HTT-AS: variants seen among roughly 807,000 people sequenced by gnomAD.
HTT-AS encodes the protein HTT antisense RNA.
At chr4:3,061,512 C>T (rs1037368433) in intron 2 of HTT-AS, among the ~76,000 whole-genome samples, 3 of 151,886 alleles carry the variant, frequency 2.0e-5, no homozygotes, top group Admixed American at 6.6e-5. Flanking sequence ...GAAACCCTGT[C>T]TCTACTAAAA....
intron 1 of HTT-AS, among the ~76,000 whole-genome samples, chr4:3,073,063 C>T (rs1471891028): frequency 3.3e-5 from 5 of 152,242 alleles, no homozygotes; most frequent in Admixed American, 3.3e-4. Flanking sequence ...GAACTGGGAA[C>T]TAACAGCTGT....
At chr4:3,046,304 C>T (rs571266133), downstream of HTT-AS, among the ~76,000 whole-genome samples, 3 of 152,270 alleles carry the variant, frequency 2.0e-5, no homozygotes, top group East Asian at 1.9e-4. Context: ...ACAGAAACAG[C>T]TGGGTTGGTT....
chr4:3,062,039 A>G (rs1336095443), intron 2 of HTT-AS, among the ~76,000 whole-genome samples: 1 of 149,166 alleles, frequency 6.7e-6, no homozygotes, highest in African/African-American at 2.5e-5. Context: ...CATCTATCTC[A>G]GTGAGCAGAA....
intron 2 of HTT-AS, among the ~76,000 whole-genome samples, chr4:3,059,063 A>G (rs1279132350): frequency 6.6e-6 from 1 of 152,188 alleles, no homozygotes; most frequent in East Asian, 1.9e-4. Context: ...GGCCCGAGAA[A>G]GCTTCTGTAC....
At chr4:3,070,029 G>A (rs1014457539) in intron 1 of HTT-AS, 3 of 152,380 alleles carry the variant, frequency 2.0e-5, no homozygotes, top group African/African-American at 7.2e-5. Context: ...CCAGGCTGGT[G>A]TGCACCCCCT....
intron 2 of HTT-AS, among the ~76,000 whole-genome samples, chr4:3,061,986 TAAAAAAAAAAAAAAA>T (rs548695397): frequency 3.2e-5 from 2 of 63,420 alleles, no homozygotes; most frequent in Non-Finnish European, 6.5e-5. Context: ...TATCTCAAAT[TAAAAAAAAAAAAAAA>T]AAAAAAAAAA....
At chr4:3,048,236 A>G (rs1460702902), downstream of HTT-AS, among the ~76,000 whole-genome samples, 1 of 152,112 alleles carries the variant, frequency 6.6e-6, no homozygotes, top group Non-Finnish European at 1.5e-5. Context: ...CGAGAGTGTG[A>G]CCAAAACTTA....
At chr4:3,050,736 A>T (rs1025923358) in intron 2 of HTT-AS, among the ~76,000 whole-genome samples, 6 of 152,188 alleles carry the variant, frequency 3.9e-5, no homozygotes, top group Non-Finnish European at 7.3e-5. Context: ...TTAATTTTGG[A>T]ACATATATTA....
intron 2 of HTT-AS, among the ~76,000 whole-genome samples, chr4:3,059,917 G>GTTTTTTTTTTTTTT (rs34372712): frequency 7.3e-6 from 1 of 136,240 alleles, no homozygotes; most frequent in Non-Finnish European, 1.6e-5. Flanking sequence ...TTGTCCCTGT[G>GTTTTTTTTTTTTTT]TTTTTTGTTT....
At chr4:3,053,399 G>A (rs1269372613) in intron 2 of HTT-AS, among the ~76,000 whole-genome samples, 2 of 152,148 alleles carry the variant, frequency 1.3e-5, no homozygotes, top group African/African-American at 2.4e-5. Context: ...CAGGTGTGGT[G>A]GCGCATGCTG....
intron 2 of HTT-AS, among the ~76,000 whole-genome samples, chr4:3,059,621 G>A (rs564728735): frequency 8.6e-5 from 13 of 151,326 alleles, no homozygotes; most frequent in Non-Finnish European, 1.3e-4. Flanking sequence ...ACAGAGTCTC[G>A]CTCCGTCACC....
At chr4:3,071,782 C>T (rs562821484) in intron 1 of HTT-AS, among the ~76,000 whole-genome samples, 19 of 152,188 alleles carry the variant, frequency 1.2e-4, no homozygotes, top group African/African-American at 3.4e-4. Flanking sequence ...GATTAGGACA[C>T]GGACATGCTC....
chr4:3,073,958 G>T (rs1328561609), intron 1 of HTT-AS, among the ~76,000 whole-genome samples: 2 of 152,154 alleles, frequency 1.3e-5, no homozygotes, highest in Non-Finnish European at 2.9e-5. Context: ...CCAGGCGTCG[G>T]CGGGGGATCC....
At position 3,052,100 on chromosome 4, in the gene HTT-AS, G is replaced by A. The variant is rs1421046184; in HGVS notation, n.1381-2402C>T. On this transcript the variant is annotated intron_variant and non_coding_transcript_variant, in intron 2 of 2. Transcript: ENST00000664062. Reference sequence around the variant, plus strand: ...CTAGACTCTTTCTGGGAAGGGCAATGGAGACTGCCCAGTGCTATAGTTCAG... The same window carrying A: ...CTAGACTCTTTCTGGGAAGGGCAATAGAGACTGCCCAGTGCTATAGTTCAG... Among the ~76,000 whole-genome samples the A allele has an allele frequency of 2.0e-5, 3 of 152,290 alleles. No homozygotes were observed. The East Asian group carries it at 5.8e-4, about 29-fold the overall frequency.
chr4:3,073,801 C>T (rs1047091471), intron 1 of HTT-AS, among the ~76,000 whole-genome samples: 3 of 152,120 alleles, frequency 2.0e-5, no homozygotes, highest in African/African-American at 7.2e-5. Flanking sequence ...AGGAGCTCGC[C>T]CACCCTCTCC....
intron 1 of HTT-AS, among the ~76,000 whole-genome samples, chr4:3,070,656 T>C (rs1024891917): frequency 6.6e-6 from 1 of 152,108 alleles, no homozygotes; most frequent in Non-Finnish European, 1.5e-5. Context: ...CTCTACATGG[T>C]GTGTAGTCGG....
chr4:3,049,253 A>G (rs1162437833), exon 3 of HTT-AS, among the ~76,000 whole-genome samples: 1 of 152,060 alleles, frequency 6.6e-6, no homozygotes, highest in Non-Finnish European at 1.5e-5. Context: ...GCAAAAACCC[A>G]TCTCTACTAA....
At chr4:3,060,739 C>T (rs377198556) in intron 2 of HTT-AS, among the ~76,000 whole-genome samples, 12 of 152,328 alleles carry the variant, frequency 7.9e-5, no homozygotes, top group South Asian at 4.1e-4. Flanking sequence ...TCCAACATGG[C>T]GGCTCCATCT....
chr4:3,061,519 A>G (rs918388208), intron 2 of HTT-AS, among the ~76,000 whole-genome samples: 4 of 151,944 alleles, frequency 2.6e-5, no homozygotes, highest in African/African-American at 4.8e-5. Flanking sequence ...TGTCTCTACT[A>G]AAAATACAAA....
Sources: allele counts gnomAD v4.1 joint callset (sites outside exome capture counted in the v4.1 genomes callset), GRCh38; gene constraint gnomAD v4.1.1; transcripts MANE v1.5; gene names NCBI Gene and HGNC (gene_info 2026-07-23, HGNC 2026-07-21).